WLS: variants seen among roughly 807,000 people sequenced by gnomAD.
WLS encodes protein wntless homolog.
Under a neutral mutation model 62.8 loss-of-function variants are expected in WLS, and 23 were observed. That is an observed-to-expected ratio of 0.37 (90% CI 0.26 to 0.52). The LOEUF (loss-of-function observed/expected upper bound fraction) is 0.52, where lower values mean the gene tolerates loss of function less well. Ranked by LOEUF, WLS falls within the 20% of genes least tolerant of loss-of-function variation. The pLI, the probability that WLS is intolerant of heterozygous loss-of-function variation, is 0.92. For missense variants in WLS, 615 were observed against 697.3 expected, an observed-to-expected ratio of 0.88 and a Z score of 1.33; for synonymous variants, 246 against 244.1, an observed-to-expected ratio of 1.01 and a Z score of -0.07.
At chr1:68,120,463 A>G (rs919831299), downstream of WLS, among the ~76,000 whole-genome samples, 10 of 152,008 alleles carry the variant, frequency 6.6e-5, no homozygotes, top group African/African-American at 2.2e-4. Context: ...AACATTCTTG[A>G]CTCTTCTGCT....
At chr1:68,104,729 C>G (rs1156578678) in intron 11 of WLS, among the ~76,000 whole-genome samples, 1 of 152,148 alleles carries the variant, frequency 6.6e-6, no homozygotes, top group Non-Finnish European at 1.5e-5. Flanking sequence ...GCCAGGGAAA[C>G]ATAGGGAGAC....
chr1:68,206,031 T>C (rs1277231210), intron 1 of WLS, among the ~76,000 whole-genome samples: 6 of 152,160 alleles, frequency 3.9e-5, no homozygotes, highest in Admixed American at 3.9e-4. Flanking sequence ...GGGGCAGTTT[T>C]TACTAGAGGA....
intron 1 of WLS, chr1:68,202,147 A>G (rs1649054489): frequency 6.6e-6 from 1 of 152,218 alleles, no homozygotes; most frequent in South Asian, 2.1e-4. Context: ...GAGCATTGGA[A>G]CCAAGAGGAA....
intron 10 of WLS, among the ~76,000 whole-genome samples, chr1:68,143,018 T>C (rs921114554): frequency 6.6e-6 from 1 of 152,250 alleles, no homozygotes; most frequent in Non-Finnish European, 1.5e-5. Flanking sequence ...GTTGTAGATA[T>C]AAATCTGTAA....
chr1:68,217,091 G>A (rs896772047), intron 1 of WLS, among the ~76,000 whole-genome samples: 1 of 152,020 alleles, frequency 6.6e-6, no homozygotes, highest in African/African-American at 2.4e-5. Flanking sequence ...CCCCAATTAC[G>A]TCCCTCCCTT....
intron 2 of WLS, among the ~76,000 whole-genome samples, chr1:68,164,933 G>A (rs1333589331): frequency 1.3e-5 from 2 of 152,186 alleles, no homozygotes; most frequent in East Asian, 3.9e-4. Flanking sequence ...CAGAAACAAT[G>A]TTCAGAGTTG....
chr1:68,231,139 G>T (rs893211744), intron 1 of WLS, among the ~76,000 whole-genome samples: 1 of 152,222 alleles, frequency 6.6e-6, no homozygotes, highest in Non-Finnish European at 1.5e-5. Context: ...GGGGCGGGGG[G>T]CGCGAGTGTG....
chr1:68,161,542 G>A (rs1646973125), intron 2 of WLS, among the ~76,000 whole-genome samples: 7 of 152,184 alleles, frequency 4.6e-5, no homozygotes, highest in Admixed American at 4.6e-4. Context: ...GAAGTTGGTC[G>A]TTAATAAATC....
intron 1 of WLS, among the ~76,000 whole-genome samples, chr1:68,221,614 G>T (rs1285452192): frequency 6.6e-6 from 1 of 152,120 alleles, no homozygotes; most frequent in Non-Finnish European, 1.5e-5. Flanking sequence ...CTGAGTAAAA[G>T]AAATAGAACC....
intron 1 of WLS, chr1:68,203,067 CATTT>C (rs761452172): frequency 2.0e-5 from 3 of 152,188 alleles, no homozygotes; most frequent in Admixed American, 1.3e-4. Flanking sequence ...AATAATCAGA[CATTT>C]ATTATTCATA....
intron 2 of WLS, among the ~76,000 whole-genome samples, chr1:68,175,035 A>G (rs373635873): frequency 4.6e-5 from 7 of 152,196 alleles, no homozygotes; most frequent in South Asian, 2.1e-4. Flanking sequence ...AGGTGGGACT[A>G]ATTTCTATTT....
At chr1:68,213,599 G>A (rs1649609147) in intron 1 of WLS, among the ~76,000 whole-genome samples, 1 of 152,080 alleles carries the variant, frequency 6.6e-6, no homozygotes, top group South Asian at 2.1e-4. Flanking sequence ...CACCTTGAGT[G>A]AGATGAATCT....
intron 11 of WLS, among the ~76,000 whole-genome samples, chr1:68,108,111 T>C (rs1646172494): frequency 6.6e-6 from 1 of 152,164 alleles, no homozygotes; most frequent in Non-Finnish European, 1.5e-5. Context: ...CAGAGCTCTT[T>C]CCCATCCATT....
intron 1 of WLS, chr1:68,231,553 C>G: frequency 3.3e-6 from 1 of 307,496 alleles, no homozygotes; most frequent in South Asian, 2.7e-5. Context: ...CCACCCCACC[C>G]CATCCCACCC....
intron 10 of WLS, chr1:68,138,189 C>G (rs1162565524): frequency 2.3e-6 from 1 of 438,288 alleles, no homozygotes; most frequent in East Asian, 3.8e-5. Flanking sequence ...TGGGGAGTGT[C>G]TCTTCCTAAA....
At chr1:68,100,134 T>C (rs972633021) in intron 11 of WLS, among the ~76,000 whole-genome samples, 15 of 152,238 alleles carry the variant, frequency 9.9e-5, no homozygotes, top group African/African-American at 3.4e-4. Context: ...AAACTTGACA[T>C]TCATCAATTC....
chr1:68,163,634 GAA>G (rs5774918), intron 2 of WLS, among the ~76,000 whole-genome samples: 26,615 of 116,242 alleles, frequency 0.23, 3,177 homozygotes, highest in East Asian at 0.39. Context: ...TCTTAATGAG[GAA>G]AAAAAAAAAA....
chr1:68,165,514 C>T (rs1023281841), intron 2 of WLS, among the ~76,000 whole-genome samples: 1 of 152,062 alleles, frequency 6.6e-6, no homozygotes, highest in African/African-American at 2.4e-5. Context: ...GGTCTGGCTT[C>T]CCAAGAAGAA....
At chr1:68,104,242 G>T (rs535908105) in intron 11 of WLS, among the ~76,000 whole-genome samples, 6 of 151,948 alleles carry the variant, frequency 3.9e-5, no homozygotes, top group African/African-American at 1.4e-4. Context: ...CAGGAGAAAA[G>T]TCACACGAAA....
Sources: allele counts gnomAD v4.1 joint callset (sites outside exome capture counted in the v4.1 genomes callset), GRCh38; gene constraint gnomAD v4.1.1; transcripts MANE v1.5; gene names NCBI Gene and HGNC (gene_info 2026-07-23, HGNC 2026-07-21).